Variants in SEMA3F observed in about 807,000 individuals in gnomAD.
The protein encoded by SEMA3F is semaphorin 3F, also known as semaphorin-3F.
A neutral mutation model predicts 98.5 loss-of-function variants in SEMA3F; 30 were observed. The observed-to-expected ratio is 0.30, with a 90% CI of 0.23 to 0.41. The LOEUF (loss-of-function observed/expected upper bound fraction) is 0.41. SEMA3F is among the 10% of genes least tolerant of loss of function. SEMA3F has a pLI of 1.00. For synonymous variants in SEMA3F, 380 were observed against 444.8 expected (o/e 0.85, Z 1.83); for missense variants, 866 against 1,119.3 (o/e 0.77, Z 3.23).
At chr3:50,159,463 C>T in intron 1 of SEMA3F, 112 bp from the exon 2 acceptor site, 4 of 579,614 alleles carry the variant, frequency 6.9e-6, no homozygotes, top group Non-Finnish European at 1.2e-5. Flanking sequence ...ATTCATGGCC[C>T]CAGGCTGGGG....
At chr3:50,176,713 A>T (rs1000751531) in intron 6 of SEMA3F, 55 bp from the exon 7 acceptor site, 3 of 1,333,992 alleles carry the variant, frequency 2.2e-6, no homozygotes, top group Non-Finnish European at 1.1e-6. Flanking sequence ...TGACCCTTAC[A>T]CTTCCTGGCT....
At chr3:50,174,946 G>A (rs2109090741) in intron 5 of SEMA3F, 150 bp from the exon 6 acceptor site, 4 of 643,718 alleles carry the variant, frequency 6.2e-6, no homozygotes, top group East Asian at 2.7e-5. Flanking sequence ...AAGCCTGTGT[G>A]TATGTATGTA....
chr3:50,176,884 C>T (rs1189801625), intron 7 of SEMA3F, 23 bp downstream of exon 7: 4 of 1,580,454 alleles, frequency 2.5e-6, no homozygotes, highest in Admixed American at 3.3e-5. Context: ...CAACCCCGCT[C>T]TACAGTCTCA....
rs1199338430 is a variant in SEMA3F at position 50,188,198 on chromosome 3, T to TATAA, written c.*84_*85insTAAA. ...AGATATATATATATATATATATATATAAAATATCTATATTCTATACACACC... is the reference window on the plus strand; with the variant it reads ...AGATATATATATATATATATATATATATAAAAAATATCTATATTCTATACACACC... On this transcript the variant is annotated 3_prime_UTR_variant, in exon 19 of 19. Transcript: ENST00000002829. This position sits in a 1 kb window ranked among gnomAD's most constrained non-coding sequence, Gnocchi z 4.5. 75 of 454,324 alleles carry TATAA rather than the reference T, an allele frequency of 1.7e-4. No individual in the cohort carries two copies. Among genetic ancestry groups the TATAA allele is most frequent in the African/African-American group, 9.7e-4 (47 of 48,430 alleles). The allele number at this position is 454,324 out of a possible 1,614,324, so 28.1% of individuals were successfully genotyped here.
intron 7 of SEMA3F, among the ~76,000 whole-genome samples, chr3:50,178,271 AT>A (rs759998354): frequency 1.3e-5 from 2 of 151,906 alleles, no homozygotes; most frequent in East Asian, 3.9e-4. Context: ...GAAAATTGAA[AT>A]TGATCTATGG....
intron 5 of SEMA3F, 115 bp downstream of exon 5, chr3:50,174,465 G>T: frequency 7.7e-7 from 1 of 1,302,378 alleles, no homozygotes. Flanking sequence ...TTTTGACCTT[G>T]GGTGAGTGAC....
intron 7 of SEMA3F, 152 bp downstream of exon 7, chr3:50,177,013 T>C: frequency 1.5e-6 from 1 of 669,186 alleles, no homozygotes; most frequent in East Asian, 2.7e-5. Flanking sequence ...GGGGAGAGGG[T>C]GCAGGCCAGA....
In SEMA3F at chr3:50,174,064, G is replaced by A. The variant is rs752308945; in HGVS notation, c.286G>A (p.Ala96Thr). The A allele has an allele frequency of 6.2e-7, 1 of 1,614,134 alleles. No individual in the cohort carries two copies. Among genetic ancestry groups the A allele is most frequent in the Admixed American group, 1.7e-5 (1 of 60,022 alleles). The change falls in exon 4 of 19, where the codon GCC becomes ACC. Residue 96 changes from alanine (A) to threonine (T), a missense_variant. Ala to Thr is a moderately conservative substitution (Grantham distance 58). Around this residue, in one of 3 missense-constraint regions of SEMA3F, gnomAD observed 247 missense variants for 276.0 expected, o/e 0.89. Coordinates refer to ENST00000002829, the MANE Select transcript of SEMA3F (RefSeq NM_004186.5). The stretch of plus-strand genomic sequence containing the variant: ...CCCCTCTCTGCAGATACACTGGGCA[G>A]CCTCCCCACAGCGCATCGAGGAATG... ...NREPLIIHWA[A>T]SPQRIEECVL... is the part of the protein sequence containing the mutation.
At chr3:50,174,778 G>A (rs929551519) in intron 5 of SEMA3F, among the ~76,000 whole-genome samples, 2 of 152,160 alleles carry the variant, frequency 1.3e-5, no homozygotes, top group Non-Finnish European at 1.5e-5. Context: ...CCAGGGCCAG[G>A]GTTGTGGGGA....
intron 7 of SEMA3F, among the ~76,000 whole-genome samples, chr3:50,179,276 C>T (rs1489148341): frequency 3.3e-5 from 5 of 151,684 alleles, no homozygotes; most frequent in Admixed American, 6.6e-5. Context: ...CCTTGATAGC[C>T]GTGAAAATCC....
At chr3:50,157,375 C>A (rs1291156232) in intron 1 of SEMA3F, among the ~76,000 whole-genome samples, 1 of 152,110 alleles carries the variant, frequency 6.6e-6, no homozygotes, top group Admixed American at 6.5e-5. Context: ...CGCCTGCCTC[C>A]CTCCCTTGCT....
chr3:50,159,416 A>G, intron 1 of SEMA3F, 159 bp from the exon 2 acceptor site: 1 of 525,608 alleles, frequency 1.9e-6, no homozygotes, highest in South Asian at 2.8e-5. Flanking sequence ...AGACAAAGGC[A>G]GGCCAAAGAA....
intron 2 of SEMA3F, among the ~76,000 whole-genome samples, chr3:50,171,387 G>A (rs1270500384): frequency 1.3e-5 from 2 of 152,162 alleles, no homozygotes; most frequent in East Asian, 1.9e-4. Context: ...CCAAGGCTGC[G>A]CAGGGTTGGA....
At chr3:50,160,349 C>G (rs1003479125) in intron 2 of SEMA3F, among the ~76,000 whole-genome samples, 1 of 152,166 alleles carries the variant, frequency 6.6e-6, no homozygotes, top group Non-Finnish European at 1.5e-5. Flanking sequence ...CTCCTGAGCT[C>G]CAGTGAGCAC....
rs1041683707 is a variant in SEMA3F at position 50,186,815 on chromosome 3, A to C, written c.1947+69A>C. The stretch of plus-strand genomic sequence containing the variant: ...GCACAGTGGTGAAATGTAGTAGAGG[A>C]GTGATCTGGAGCAACTCTCATGCTG... On this transcript the variant is annotated intron_variant, in intron 18 of 18. Transcript: ENST00000002829. The C allele has an allele frequency of 7.0e-6, 10 of 1,421,220 alleles. No homozygotes were observed. The Middle Eastern group carries it at 5.5e-4, about 78-fold the overall frequency. 88.0% of individuals were successfully genotyped at this position (1,421,220 alleles called of 1,614,324 possible). A position where few individuals can be genotyped will look rare whatever the true frequency, so the allele number is the denominator to read the frequency against.
At chr3:50,173,711 C>T in intron 2 of SEMA3F, 82 bp from the exon 3 acceptor site, 1 of 1,235,884 alleles carries the variant, frequency 8.1e-7, no homozygotes, top group South Asian at 1.3e-5. Flanking sequence ...AACCTCAGGG[C>T]CTCAGTCTCC....
chr3:50,165,867 C>T (rs535879752), intron 2 of SEMA3F, among the ~76,000 whole-genome samples: 1 of 152,296 alleles, frequency 6.6e-6, no homozygotes, highest in East Asian at 1.9e-4. Context: ...GACCCAGCAA[C>T]GAATGGGGTC....
intron 6 of SEMA3F, 99 bp downstream of exon 6, chr3:50,175,287 T>C: frequency 1.2e-6 from 1 of 812,734 alleles, no homozygotes; most frequent in Non-Finnish European, 2.1e-6. Flanking sequence ...GGGCCTCCCC[T>C]CTACCTCTGT....
chr3:50,171,124 T>A (rs1478384469), intron 2 of SEMA3F, among the ~76,000 whole-genome samples: 2 of 152,116 alleles, frequency 1.3e-5, no homozygotes, highest in African/African-American at 4.8e-5. Context: ...GGGTGTTCGA[T>A]AACTGAGCAA....
Sources: gnomAD v4.1 joint callset for allele counts (sites outside exome capture counted in the v4.1 genomes callset) on GRCh38, gnomAD v4.1.1 for gene constraint, gnomAD v4.1.1 regional missense constraint, Gnocchi (gnomAD v3.1) non-coding constraint, MANE v1.5 for transcripts, NCBI Gene and HGNC (gene_info 2026-07-23, HGNC 2026-07-21) for gene names.